ACTR3C: variants seen among roughly 807,000 people sequenced by gnomAD.
The protein encoded by ACTR3C is actin related protein 3C, also known as actin-related protein 3C.
A neutral mutation model predicts 26.3 loss-of-function variants in ACTR3C; 18 were observed. The observed-to-expected ratio is 0.68, with a 90% CI of 0.47 to 1.01. ACTR3C has a LOEUF of 1.01. ACTR3C is among the 50% of genes least tolerant of loss of function. The pLI is 0.00. For missense variants in ACTR3C, 184 were observed against 250.7 expected (o/e 0.73, Z 1.80); for synonymous variants, 55 against 94.5 (o/e 0.58, Z 2.42).
the ACTR3C span, among the ~76,000 whole-genome samples, chr7:150,189,024 A>T: frequency 6.6e-6 from 1 of 151,090 alleles, no homozygotes; most frequent in Non-Finnish European, 1.5e-5. Context: ...CACGGATACC[A>T]CCAAGCTCCC....
At chr7:150,213,044 C>T in the ACTR3C span, among the ~76,000 whole-genome samples, 1 of 151,456 alleles carries the variant, frequency 6.6e-6, no homozygotes, top group African/African-American at 2.4e-5. Flanking sequence ...TACCAATGGT[C>T]AGGATGAGGG....
chr7:149,893,027 A>G, the ACTR3C span, among the ~76,000 whole-genome samples: 13 of 152,194 alleles, frequency 8.5e-5, no homozygotes, highest in East Asian at 9.6e-4. Flanking sequence ...TTAACCTTAA[A>G]TATTTGGGAA....
the ACTR3C span, among the ~76,000 whole-genome samples, chr7:150,050,303 T>G: frequency 2.2e-4 from 34 of 152,356 alleles, no homozygotes; most frequent in Admixed American, 2.2e-3. Flanking sequence ...AATACAATAC[T>G]TATGCAGAAT....
At chr7:150,310,895 T>A (rs1796259808) in intron 1 of ACTR3C, among the ~76,000 whole-genome samples, 1 of 152,104 alleles carries the variant, frequency 6.6e-6, no homozygotes, top group Non-Finnish European at 1.5e-5. Flanking sequence ...GGGTACCGAG[T>A]ATCCCCTTCA....
chr7:149,916,894 T>A, the ACTR3C span, among the ~76,000 whole-genome samples: 1 of 152,204 alleles, frequency 6.6e-6, no homozygotes, highest in South Asian at 2.1e-4. Flanking sequence ...GCACTACCAA[T>A]AGTTACATGT....
At chr7:149,895,378 T>C in the ACTR3C span, among the ~76,000 whole-genome samples, 3 of 152,182 alleles carry the variant, frequency 2.0e-5, no homozygotes, top group Non-Finnish European at 2.9e-5. Flanking sequence ...TTAAAAAATG[T>C]AGAGTACATG....
chr7:150,208,868 G>T, the ACTR3C span, among the ~76,000 whole-genome samples: 1 of 152,100 alleles, frequency 6.6e-6, no homozygotes, highest in African/African-American at 2.4e-5. Context: ...AACATTAGTG[G>T]AGGTGGACAT....
At chr7:150,038,284 C>G in the ACTR3C span, among the ~76,000 whole-genome samples, 1 of 144,682 alleles carries the variant, frequency 6.9e-6, no homozygotes, top group Non-Finnish European at 1.5e-5. Context: ...TGTTTAGAGA[C>G]GTAGGCTACG....
At chr7:150,199,742 A>AC in the ACTR3C span, among the ~76,000 whole-genome samples, 9 of 143,858 alleles carry the variant, frequency 6.3e-5, no homozygotes, top group South Asian at 2.1e-4. Context: ...AAAAAAAAAA[A>AC]AAAAACATAG....
the ACTR3C span, among the ~76,000 whole-genome samples, chr7:150,120,110 T>C: frequency 1.3e-5 from 2 of 152,160 alleles, no homozygotes; most frequent in African/African-American, 4.8e-5. Context: ...TTTATGGCAC[T>C]AAACACCCAC....
At chr7:150,190,132 T>C in the ACTR3C span, among the ~76,000 whole-genome samples, 2 of 152,246 alleles carry the variant, frequency 1.3e-5, no homozygotes, top group Admixed American at 1.3e-4. Context: ...TTCATTGTGG[T>C]TGGAAGTTTT....
intron 1 of ACTR3C, among the ~76,000 whole-genome samples, chr7:150,312,556 G>C (rs1166014715): frequency 6.6e-6 from 1 of 152,142 alleles, no homozygotes; most frequent in Admixed American, 6.5e-5. Context: ...ACTGTTTTTA[G>C]AGAACTTATT....
the ACTR3C span, among the ~76,000 whole-genome samples, chr7:150,151,271 G>T: frequency 7.3e-6 from 1 of 136,708 alleles, no homozygotes; most frequent in African/African-American, 2.5e-5. Flanking sequence ...ATGATATGTG[G>T]TGAGAATATT....
the ACTR3C span, among the ~76,000 whole-genome samples, chr7:150,164,798 T>C: frequency 5.3e-5 from 8 of 152,184 alleles, no homozygotes; most frequent in Admixed American, 3.9e-4. Context: ...CATTTGGAAA[T>C]ATTACTGTGT....
intron 1 of ACTR3C, among the ~76,000 whole-genome samples, chr7:150,302,139 A>G (rs890644897): frequency 3.3e-5 from 5 of 152,228 alleles, no homozygotes; most frequent in African/African-American, 1.2e-4. Flanking sequence ...GACAGCTCGC[A>G]AAAGAGGAAA....
At chr7:150,316,642 C>T (rs761647003) in intron 1 of ACTR3C, among the ~76,000 whole-genome samples, 13 of 152,026 alleles carry the variant, frequency 8.6e-5, no homozygotes, top group Non-Finnish European at 1.9e-4. Flanking sequence ...CGTGCCATCA[C>T]GCTCAGCTAA....
chr7:150,315,280 T>A (rs1230868272), intron 1 of ACTR3C, among the ~76,000 whole-genome samples: 1 of 152,050 alleles, frequency 6.6e-6, no homozygotes, highest in Non-Finnish European at 1.5e-5. Flanking sequence ...AACGTCATCG[T>A]GATAAACTTC....
chr7:150,209,695 A>T, the ACTR3C span, among the ~76,000 whole-genome samples: 1 of 148,914 alleles, frequency 6.7e-6, no homozygotes. Flanking sequence ...CCTTGCCAAC[A>T]TGGTGAAACC....
chr7:150,265,375 T>A (rs182107568), intron 6 of ACTR3C, among the ~76,000 whole-genome samples: 50 of 148,182 alleles, frequency 3.4e-4, no homozygotes, highest in African/African-American at 1.1e-3. Context: ...TAGATTTTTT[T>A]AAAAAAACAT....
Sources: allele counts gnomAD v4.1 joint callset (sites outside exome capture counted in the v4.1 genomes callset), GRCh38; gene constraint gnomAD v4.1.1; transcripts MANE v1.5; gene names NCBI Gene and HGNC (gene_info 2026-07-23, HGNC 2026-07-21).